FOXP1: variants seen among roughly 807,000 people sequenced by gnomAD.
FOXP1 encodes forkhead box protein P1.
FOXP1 carries 15 observed loss-of-function variants against 98.2 expected under a neutral mutation model. The ratio of observed to expected loss-of-function variants is 0.15; its 90% CI spans 0.10 to 0.24. The LOEUF is 0.24. Among genes scored for constraint, FOXP1 ranks in the 10% least tolerant of loss-of-function variants. The pLI, the probability that FOXP1 is intolerant of heterozygous loss-of-function variation, is 1.00. For missense variants in FOXP1, 633 were observed against 848.5 expected (o/e 0.75, Z 3.15); for synonymous variants, 371 against 314.5 (o/e 1.18, Z -1.90).
intron 2 of FOXP1, among the ~76,000 whole-genome samples, chr3:71,510,783 A>G (rs1202419365): frequency 6.6e-6 from 1 of 152,242 alleles, no homozygotes; most frequent in East Asian, 1.9e-4. Context: ...CATTCCTGGC[A>G]TGAACTCCCC....
rs537003459 is a variant in FOXP1 at position 71,353,306 on chromosome 3, C to T, written c.-73+5844G>A. Among the ~76,000 whole-genome samples the T allele has an allele frequency of 2.0e-5, 3 of 152,316 alleles. No homozygotes were observed. In the South Asian group the frequency reaches 6.2e-4, roughly 32 times the overall value. On this transcript the variant is annotated intron_variant, in intron 4 of 20. Transcript: ENST00000649528. ...GGCTGATCTAGGCCCTCAAGCATCC[C>T]GCGTAAACTGCCTGATCAAGTCTCA... is the stretch of plus-strand genomic sequence containing the variant.
chr3:71,310,002 T>A (rs748249408), intron 4 of FOXP1, among the ~76,000 whole-genome samples: 14 of 152,220 alleles, frequency 9.2e-5, no homozygotes, highest in South Asian at 2.1e-4. Context: ...CAACTTATGA[T>A]TTGAAATGAC....
chr3:71,062,328 T>C (rs1210508705), intron 7 of FOXP1, among the ~76,000 whole-genome samples: 1 of 152,106 alleles, frequency 6.6e-6, no homozygotes, highest in Admixed American at 6.5e-5. Context: ...GACAATACAC[T>C]ATATATCCTC....
chr3:71,581,559 C>T lies in FOXP1; in HGVS notation c.-308G>A. ...GCCGCCTCGACTTACCCGCGGAGTC[C>T]GGGGAGGGAGTAGGAGCGCCGCCTT... On this transcript the variant is annotated 5_prime_UTR_variant, in exon 2 of 21. Transcript: ENST00000649528. 2.0e-6 allele frequency: 2 copies of T among 985,460 alleles called. No individual in the cohort carries two copies. The highest frequency in any genetic ancestry group is 2.4e-6 in the Non-Finnish European group (2 of 829,970). The allele number at this position is 985,460 out of a possible 1,614,324, so 61.0% of individuals were successfully genotyped here.
chr3:71,181,276 C>A (rs1475876555), intron 6 of FOXP1, among the ~76,000 whole-genome samples: 3 of 152,214 alleles, frequency 2.0e-5, no homozygotes, highest in African/African-American at 7.2e-5. Context: ...GTCCCCAAGA[C>A]CTCAACCATG....
chr3:71,011,793 T>C (rs890914359), intron 12 of FOXP1, among the ~76,000 whole-genome samples: 10 of 152,166 alleles, frequency 6.6e-5, no homozygotes, highest in African/African-American at 2.4e-4. Flanking sequence ...TCGTGTCATG[T>C]GCAAAACCAC....
At chr3:71,383,336 T>C (rs1405643680) in intron 3 of FOXP1, among the ~76,000 whole-genome samples, 1 of 152,208 alleles carries the variant, frequency 6.6e-6, no homozygotes. Context: ...TGTCAAACTT[T>C]ACAAGGAAGA....
At chr3:71,237,231 G>GAAAAAAAAAAAAAAAAAAAAAAAAA (rs757405755) in intron 5 of FOXP1, among the ~76,000 whole-genome samples, 1 of 28,270 alleles carries the variant, frequency 3.5e-5, no homozygotes, top group Non-Finnish European at 5.8e-5. Context: ...GACTCCATCT[G>GAAAAAAAAAAAAAAAAAAAAAAAAA]AAAAAAAAAA....
intron 18 of FOXP1, 79 bp downstream of exon 18, chr3:70,972,476 T>A: frequency 6.3e-7 from 1 of 1,586,740 alleles, no homozygotes; most frequent in Non-Finnish European, 8.7e-7. Flanking sequence ...TCTAACACCA[T>A]CTAGCAGCCA....
chr3:71,513,543 G>A (rs1451933082), intron 2 of FOXP1, among the ~76,000 whole-genome samples: 3 of 152,092 alleles, frequency 2.0e-5, no homozygotes, highest in Non-Finnish European at 1.5e-5. Context: ...TTCTCAACAC[G>A]GTAGCAAAAG....
chr3:71,030,525 C>G (rs1378868627), intron 11 of FOXP1, among the ~76,000 whole-genome samples: 1 of 152,206 alleles, frequency 6.6e-6, no homozygotes, highest in East Asian at 1.9e-4. Flanking sequence ...TTCTATTTCC[C>G]TTCTACTGCA....
chr3:70,969,533 TCCATAAATATCTGTTTAATGC>T (rs1264357257), intron 19 of FOXP1: 1 of 152,062 alleles, frequency 6.6e-6, no homozygotes, highest in South Asian at 2.1e-4. Context: ...CTGTTTAATG[TCCATAAATATCTGTTTAATGC>T]AGAGCAAGAC....
intron 5 of FOXP1, among the ~76,000 whole-genome samples, chr3:71,276,767 T>A (rs189154266): frequency 8.5e-5 from 13 of 152,068 alleles, no homozygotes; most frequent in Non-Finnish European, 7.4e-5. Flanking sequence ...ATGTTCAGTA[T>A]CCTCCTTCTA....
At chr3:71,465,981 C>A (rs1414594647) in intron 3 of FOXP1, among the ~76,000 whole-genome samples, 1 of 152,200 alleles carries the variant, frequency 6.6e-6, no homozygotes, top group African/African-American at 2.4e-5. Flanking sequence ...GAAACCACTA[C>A]CCCCAACCCC....
chr3:71,431,990 G>A (rs2084760641), intron 3 of FOXP1, among the ~76,000 whole-genome samples: 1 of 152,210 alleles, frequency 6.6e-6, no homozygotes, highest in African/African-American at 2.4e-5. Context: ...AACCATCAGA[G>A]AAGCAGAGAG....
At chr3:71,298,692 T>C (rs1297949366) in intron 5 of FOXP1, among the ~76,000 whole-genome samples, 1 of 152,194 alleles carries the variant, frequency 6.6e-6, no homozygotes, top group African/African-American at 2.4e-5. Context: ...CTGATTTTTC[T>C]AGACCAAATT....
chr3:70,973,249 G>GCCCCA (rs1311332844), intron 17 of FOXP1, among the ~76,000 whole-genome samples: 2 of 46,978 alleles, frequency 4.3e-5, no homozygotes, highest in African/African-American at 1.8e-4. Context: ...CCCCCGCCCC[G>GCCCCA]CCCCGCCCCG....
At chr3:71,167,038 C>T (rs1350595017) in intron 6 of FOXP1, among the ~76,000 whole-genome samples, 1 of 152,016 alleles carries the variant, frequency 6.6e-6, no homozygotes, top group African/African-American at 2.4e-5. Context: ...TTTGCACTTA[C>T]ATATTCCAGG....
intron 5 of FOXP1, among the ~76,000 whole-genome samples, chr3:71,278,914 G>A (rs1007107124): frequency 1.3e-4 from 20 of 152,012 alleles, no homozygotes; most frequent in Non-Finnish European, 2.4e-4. Flanking sequence ...AATTGGGGCC[G>A]GGCATGGTGG....
Sources: gnomAD v4.1 joint callset for allele counts (sites outside exome capture counted in the v4.1 genomes callset) on GRCh38, gnomAD v4.1.1 for gene constraint, MANE v1.5 for transcripts, NCBI Gene and HGNC (gene_info 2026-07-23, HGNC 2026-07-21) for gene names.